Variants in PCGF5 observed in about 807,000 individuals in gnomAD.
PCGF5 encodes polycomb group RING finger protein 5.
PCGF5 carries 9 observed loss-of-function variants against 44.3 expected under a neutral mutation model. The ratio of observed to expected loss-of-function variants is 0.20; its 90% CI spans 0.12 to 0.35. PCGF5 has a LOEUF of 0.35. Ranked by LOEUF, PCGF5 falls within the 10% of genes least tolerant of loss-of-function variation. PCGF5 has a pLI of 1.00. For missense variants in PCGF5, 146 were observed against 305.3 expected (o/e 0.48, Z 3.89); for synonymous variants, 95 against 102.5 (o/e 0.93, Z 0.44).
At chr10:91,199,519 A>T (rs1844208331) in intron 1 of PCGF5, among the ~76,000 whole-genome samples, 1 of 152,238 alleles carries the variant, frequency 6.6e-6, no homozygotes, top group South Asian at 2.1e-4. Flanking sequence ...AGAGGCCAAC[A>T]ACATCCCCAT....
At chr10:91,171,963 A>G (rs555207945) in intron 1 of PCGF5, among the ~76,000 whole-genome samples, 7 of 152,330 alleles carry the variant, frequency 4.6e-5, no homozygotes, top group African/African-American at 1.2e-4. Context: ...CATTTATTCC[A>G]TAGAGATGGA....
At chr10:91,179,885 G>A (rs370351436) in intron 1 of PCGF5, among the ~76,000 whole-genome samples, 4 of 152,062 alleles carry the variant, frequency 2.6e-5, no homozygotes, top group Non-Finnish European at 5.9e-5. Context: ...TTGCTGGGTC[G>A]AATGGTATTT....
chr10:91,244,310 A>G (rs1331422964), intron 3 of PCGF5, among the ~76,000 whole-genome samples: 2 of 152,168 alleles, frequency 1.3e-5, no homozygotes, highest in East Asian at 1.9e-4. Context: ...AAGCATGCCT[A>G]TTCCAGGTAA....
rs71487496 is a variant in PCGF5 at position 91,238,601 on chromosome 10, C to CTTTTTTTTTTTTTTTTTTTTT, written c.113-1873_113-1853dup. On this transcript the variant is annotated intron_variant, in intron 2 of 9. Coordinates refer to ENST00000336126, the MANE Select transcript of PCGF5 (RefSeq NM_032373.5). ...CTCTCATTTCTTTCTTTCTTTCTTT[C>CTTTTTTTTTTTTTTTTTTTTT]TTTTTTTTTTTTTTTTTTTTTTTTT... Among the ~76,000 whole-genome samples the CTTTTTTTTTTTTTTTTTTTTT allele has an allele frequency of 2.9e-3, 169 of 58,518 alleles. 4 individuals are homozygous for CTTTTTTTTTTTTTTTTTTTTT. Among genetic ancestry groups the CTTTTTTTTTTTTTTTTTTTTT allele is most frequent in the Middle Eastern group, 0.027 (2 of 74 alleles). 38.4% of individuals were successfully genotyped at this position (58,518 alleles called of 152,430 possible).
chr10:91,170,074 A>G (rs1002470532), intron 1 of PCGF5, among the ~76,000 whole-genome samples: 1 of 152,224 alleles, frequency 6.6e-6, no homozygotes, highest in African/African-American at 2.4e-5. Context: ...ATCCATATGC[A>G]AAAAAAGAAA....
chr10:91,279,398 A>T lies in PCGF5; in HGVS notation c.*1082A>T, dbSNP rs540885440. The T allele has an allele frequency of 2.4e-4, 36 of 152,306 alleles. No homozygotes were observed. The highest frequency in any genetic ancestry group is 8.4e-4 in the African/African-American group (35 of 41,572). 9.4% of individuals were successfully genotyped at this position (152,306 alleles called of 1,614,324 possible). ...ATAAAATAGAATAAATGCAGTATAGAACTATGCTAACCAAAATTAATAGGT... is the reference window on the plus strand; with the variant it reads ...ATAAAATAGAATAAATGCAGTATAGTACTATGCTAACCAAAATTAATAGGT... On this transcript the variant is annotated 3_prime_UTR_variant, in exon 10 of 10. Transcript: ENST00000336126.
intron 1 of PCGF5, among the ~76,000 whole-genome samples, chr10:91,207,296 AC>A (rs1312285632): frequency 6.6e-6 from 1 of 152,198 alleles, no homozygotes; most frequent in African/African-American, 2.4e-5. Context: ...TTTTGATCTT[AC>A]ACATTTTTTC....
intron 1 of PCGF5, among the ~76,000 whole-genome samples, chr10:91,166,326 C>A (rs535951263): frequency 5.1e-4 from 78 of 152,132 alleles, no homozygotes; most frequent in Non-Finnish European, 9.7e-4. Context: ...CATGTGCCTG[C>A]AACATCTAGG....
At chr10:91,190,850 T>C (rs761790422) in intron 1 of PCGF5, among the ~76,000 whole-genome samples, 5 of 152,230 alleles carry the variant, frequency 3.3e-5, no homozygotes, top group Non-Finnish European at 7.3e-5. Flanking sequence ...TAGAAACTAT[T>C]TCACATCAGT....
chr10:91,167,425 A>G (rs1385610620), intron 1 of PCGF5, among the ~76,000 whole-genome samples: 2 of 152,232 alleles, frequency 1.3e-5, no homozygotes, highest in Admixed American at 1.3e-4. Context: ...GGAGGAAAAG[A>G]CTATTTCTAG....
intron 2 of PCGF5, chr10:91,227,581 A>G (rs991235878): frequency 2.5e-6 from 3 of 1,176,946 alleles, no homozygotes; most frequent in Admixed American, 3.8e-5. Flanking sequence ...TTCTTATTAC[A>G]TCTCACCAAA....
chr10:91,168,929 GAAAAAAAAAAAAAA>G (rs57345364), intron 1 of PCGF5, among the ~76,000 whole-genome samples: 105 of 56,220 alleles, frequency 1.9e-3, no homozygotes, highest in Admixed American at 4.0e-3. Context: ...CTCCGTCTCA[GAAAAAAAAAAAAAA>G]AAAAAAAAAA....
At chr10:91,258,660 G>A (rs114039095) in intron 6 of PCGF5, among the ~76,000 whole-genome samples, 286 of 152,288 alleles carry the variant, frequency 1.9e-3, no homozygotes, top group Middle Eastern at 6.8e-3. Flanking sequence ...AAGGTGAACA[G>A]ATAACAGAGA....
intron 1 of PCGF5, among the ~76,000 whole-genome samples, chr10:91,206,699 G>A (rs879533533): frequency 8.5e-5 from 13 of 152,198 alleles, no homozygotes; most frequent in Non-Finnish European, 1.8e-4. Flanking sequence ...GTGGGGGACT[G>A]CATGGTCTCT....
chr10:91,203,608 T>A (rs1319804061), intron 1 of PCGF5, among the ~76,000 whole-genome samples: 1 of 152,206 alleles, frequency 6.6e-6, no homozygotes, highest in East Asian at 1.9e-4. Context: ...TTAAAATAAA[T>A]TTTTGACATA....
upstream of PCGF5, among the ~76,000 whole-genome samples, chr10:91,158,241 CA>C (rs1181713060): frequency 3.3e-5 from 5 of 152,118 alleles, no homozygotes; most frequent in East Asian, 9.6e-4. Flanking sequence ...CCAGCTGCCC[CA>C]AAAATGTCTT....
chr10:91,207,044 C>T (rs1279355964), intron 1 of PCGF5, among the ~76,000 whole-genome samples: 2 of 152,146 alleles, frequency 1.3e-5, no homozygotes, highest in Non-Finnish European at 2.9e-5. Flanking sequence ...TGGTTCAGTG[C>T]TATATTTCCT....
intron 1 of PCGF5, among the ~76,000 whole-genome samples, chr10:91,194,073 G>A (rs1844083265): frequency 6.6e-6 from 1 of 152,156 alleles, no homozygotes; most frequent in African/African-American, 2.4e-5. Flanking sequence ...GGGAGAATTG[G>A]AGGTCAGCTT....
chr10:91,171,514 A>C (rs1843604680), intron 1 of PCGF5, among the ~76,000 whole-genome samples: 1 of 152,184 alleles, frequency 6.6e-6, no homozygotes, highest in African/African-American at 2.4e-5. Flanking sequence ...TTCTCCAGCA[A>C]TGCTCAGAAA....
Sources: allele counts gnomAD v4.1 joint callset (sites outside exome capture counted in the v4.1 genomes callset), GRCh38; gene constraint gnomAD v4.1.1; transcripts MANE v1.5; gene names NCBI Gene and HGNC (gene_info 2026-07-23, HGNC 2026-07-21).